SAXO1: variants seen among roughly 807,000 people sequenced by gnomAD.
The protein encoded by SAXO1 is 4930500O09Rik.
A neutral mutation model predicts 17.5 loss-of-function variants in SAXO1; 21 were observed. The observed-to-expected ratio is 1.20, with a 90% CI of 0.85 to 1.72. The LOEUF (loss-of-function observed/expected upper bound fraction) is 1.72. Ranked by LOEUF, SAXO1 falls within the 40% of genes most tolerant of loss-of-function variation. SAXO1 has a pLI of 0.00. For synonymous variants in SAXO1, 274 were observed against 216.5 expected, an observed-to-expected ratio of 1.27 and a Z score of -2.33; for missense variants, 843 against 596.0, an observed-to-expected ratio of 1.41 and a Z score of -4.32.
At chr9:18,938,826 G>GTC (rs1831417006) in intron 3 of SAXO1, among the ~76,000 whole-genome samples, 1 of 80,580 alleles carries the variant, frequency 1.2e-5, no homozygotes, top group South Asian at 5.1e-4. Context: ...GCGTGCGTGT[G>GTC]TGTGTGTGTG....
At chr9:18,936,019 T>G (rs531339172) in intron 3 of SAXO1, among the ~76,000 whole-genome samples, 1 of 152,130 alleles carries the variant, frequency 6.6e-6, no homozygotes, top group Non-Finnish European at 1.5e-5. Flanking sequence ...TAATAAATGC[T>G]TCTCAATTTT....
rs757479493 is a variant in SAXO1 at position 18,932,547 on chromosome 9, C to A, written c.422-3492G>T. ...ATTTCATATATAAAACCTAAAATTACTTTGCCAAGTTCTAAAAAGGAAAAG... is the reference window on the plus strand; with the variant it reads ...ATTTCATATATAAAACCTAAAATTAATTTGCCAAGTTCTAAAAAGGAAAAG... On this transcript the variant is annotated intron_variant, in intron 3 of 3. Coordinates refer to ENST00000380534, the MANE Select transcript of SAXO1 (RefSeq NM_153707.4). Among the ~76,000 whole-genome samples, 5 of 152,280 alleles carry A rather than the reference C, an allele frequency of 3.3e-5. No individual in the cohort carries two copies. In the East Asian group the frequency reaches 9.6e-4, roughly 29 times the overall value.
At chr9:19,010,898 C>T (rs1834704360) in intron 1 of SAXO1, among the ~76,000 whole-genome samples, 1 of 152,124 alleles carries the variant, frequency 6.6e-6, no homozygotes, top group Non-Finnish European at 1.5e-5. Context: ...TAGCTATATG[C>T]CAGGCTGTAC....
At chr9:19,009,632 G>A (rs1203233591) in intron 1 of SAXO1, among the ~76,000 whole-genome samples, 1 of 152,074 alleles carries the variant, frequency 6.6e-6, no homozygotes, top group African/African-American at 2.4e-5. Context: ...AAGCATCAGG[G>A]AAAATTGAGA....
intron 1 of SAXO1, among the ~76,000 whole-genome samples, chr9:18,979,786 A>G (rs2131816793): frequency 6.6e-6 from 1 of 152,320 alleles, no homozygotes; most frequent in East Asian, 1.9e-4. Flanking sequence ...GGCTGCAGTG[A>G]GCTATGATTG....
At position 18,952,336 on chromosome 9, in the gene SAXO1, T is replaced by A. The variant is rs149765668; in HGVS notation, c.39-1399A>T. On this transcript the variant is annotated intron_variant, in intron 1 of 3. Coordinates refer to ENST00000380534, the MANE Select transcript of SAXO1 (RefSeq NM_153707.4). ...ATTAAAATGCAATACTTTGGGGAAG[T>A]ACATGGGGGAAGGGAGATAAAATGA... is the stretch of plus-strand genomic sequence containing the variant. 2.3e-3 allele frequency among the ~76,000 whole-genome samples: 345 copies of A among 152,280 alleles called. 5 individuals are homozygous for A. The highest frequency in any genetic ancestry group is 4.0e-3 in the Non-Finnish European group (273 of 68,014).
At chr9:18,997,990 T>G (rs996958879) in intron 1 of SAXO1, among the ~76,000 whole-genome samples, 2 of 152,076 alleles carry the variant, frequency 1.3e-5, no homozygotes, top group African/African-American at 4.8e-5. Flanking sequence ...CAAAGGTAGA[T>G]AAAACCTCTA....
Position 18,927,668 on chromosome 9 carries a change from A to G in SAXO1, c.*384T>C, listed in dbSNP as rs1830823870. On this transcript the variant is annotated 3_prime_UTR_variant, in exon 4 of 4. Transcript: ENST00000380534. ...GCCAGCCTACAGATTCATTCCCCCC[A>G]AAATAAAATTTATTCTTTGGCGCTT... The G allele has an allele frequency of 6.0e-6, 1 of 167,542 alleles. No homozygotes were observed. Among genetic ancestry groups the G allele is most frequent in the African/African-American group, 2.4e-5 (1 of 41,936 alleles). The allele number at this position is 167,542 out of a possible 1,614,324, so 10.4% of individuals were successfully genotyped here.
Position 19,032,744 on chromosome 9 carries a change from A to C in SAXO1, c.38+127T>G, listed in dbSNP as rs992306949. 14 of 1,019,856 alleles carry C rather than the reference A, an allele frequency of 1.4e-5. No homozygotes were observed. The African/African-American group carries it at 2.3e-4, about 16-fold the overall frequency. 63.2% of individuals were successfully genotyped at this position (1,019,856 alleles called of 1,614,324 possible). On this transcript the variant is annotated intron_variant, in intron 1 of 3. Transcript: ENST00000380534. ...ACGCTAGTTGACACAATTGTGGCTT[A>C]AAAAACGTAGCAAGTGGACGAACCC...
Position 18,927,998 on chromosome 9 carries a change from C to T in SAXO1, c.*54G>A, listed in dbSNP as rs1295375038. On this transcript the variant is annotated 3_prime_UTR_variant, in exon 4 of 4. Transcript: ENST00000380534. The stretch of plus-strand genomic sequence containing the variant: ...TCTTTTTTGTCCAACAAATAATTCT[C>T]AGTTGTCTGCTTTTAAAAGTACTGT... 1.7e-5 allele frequency: 25 copies of T among 1,446,318 alleles called. No individual in the cohort carries two copies. The highest frequency in any genetic ancestry group is 2.2e-5 in the Non-Finnish European group (24 of 1,090,582). 89.6% of individuals were successfully genotyped at this position (1,446,318 alleles called of 1,614,324 possible).
chr9:18,959,909 T>A (rs1384658444), intron 1 of SAXO1, among the ~76,000 whole-genome samples: 2 of 152,068 alleles, frequency 1.3e-5, no homozygotes, highest in African/African-American at 4.8e-5. Context: ...GCTGGCCCAG[T>A]GCTGGGACTT....
rs757790439 is a variant in SAXO1 at position 18,928,040 on chromosome 9, T to C, written c.*12A>G. ...AAGTACTGTGTAATTTCTAAATTAC[T>C]ATTTTTCAAAATCAGGCTAACACTT... On this transcript the variant is annotated 3_prime_UTR_variant, in exon 4 of 4. Transcript: ENST00000380534. 7.1e-6 allele frequency: 11 copies of C among 1,550,642 alleles called. No individual in the cohort carries two copies. The Admixed American group carries it at 9.8e-5, about 14-fold the overall frequency.
intron 1 of SAXO1, among the ~76,000 whole-genome samples, chr9:18,974,936 T>G (rs1175363079): frequency 6.6e-6 from 1 of 152,116 alleles, no homozygotes; most frequent in Non-Finnish European, 1.5e-5. Flanking sequence ...CATAATCAAA[T>G]ACAAAGGGAA....
intron 1 of SAXO1, among the ~76,000 whole-genome samples, chr9:19,024,588 TATA>T (rs1478495308): frequency 1.3e-5 from 2 of 151,942 alleles, no homozygotes; most frequent in African/African-American, 4.8e-5. Context: ...AAACTTAAAG[TATA>T]ATAATAATAA....
chr9:18,984,718 T>TCCATATCAATAAAACTTTCC (rs1216533469), intron 1 of SAXO1, among the ~76,000 whole-genome samples: 1 of 152,140 alleles, frequency 6.6e-6, no homozygotes, highest in Admixed American at 6.5e-5. Context: ...TAAAACTTTC[T>TCCATATCAATAAAACTTTCC]CCATATCACT....
intron 1 of SAXO1, among the ~76,000 whole-genome samples, chr9:19,015,171 T>A (rs1588534744): frequency 6.6e-6 from 1 of 152,222 alleles, no homozygotes. Flanking sequence ...CTAAAAAGAT[T>A]TGCAAGTCTT....
chr9:18,945,131 T>A (rs1036740841), intron 2 of SAXO1, among the ~76,000 whole-genome samples: 1 of 152,198 alleles, frequency 6.6e-6, no homozygotes, highest in African/African-American at 2.4e-5. Context: ...CTCACTGAGC[T>A]CCATTCTCCT....
intron 1 of SAXO1, among the ~76,000 whole-genome samples, chr9:19,042,022 G>A (rs1836090672): frequency 6.6e-6 from 1 of 152,032 alleles, no homozygotes; most frequent in Admixed American, 6.6e-5. Context: ...CCGAATGGGA[G>A]ATAATATTTG....
At chr9:19,042,258 G>C (rs1158383514) in intron 1 of SAXO1, among the ~76,000 whole-genome samples, 1 of 152,192 alleles carries the variant, frequency 6.6e-6, no homozygotes, top group Non-Finnish European at 1.5e-5. Flanking sequence ...TGTCACCCCA[G>C]TTAAAATGGC....
Sources: gnomAD v4.1 joint callset for allele counts (sites outside exome capture counted in the v4.1 genomes callset) on GRCh38, gnomAD v4.1.1 for gene constraint, MANE v1.5 for transcripts, NCBI Gene and HGNC (gene_info 2026-07-23, HGNC 2026-07-21) for gene names.